PTPRN2: variants seen among roughly 807,000 people sequenced by gnomAD.
PTPRN2 encodes the protein receptor-type tyrosine-protein phosphatase N2.
In PTPRN2, 74 loss-of-function variants were observed where a neutral mutation model predicts 118.8. The ratio of observed to expected loss-of-function variants is 0.62; its 90% CI spans 0.52 to 0.76. The LOEUF is 0.76. Among genes scored for constraint, PTPRN2 ranks in the 30% least tolerant of loss-of-function variants. The pLI is 0.00. For synonymous variants in PTPRN2, 641 were observed against 608.0 expected (o/e 1.05, Z -0.80); for missense variants, 1,481 against 1,394.4 (o/e 1.06, Z -0.99).
At chr7:157,840,882 G>T (rs1217883575) in intron 12 of PTPRN2, among the ~76,000 whole-genome samples, 1 of 152,236 alleles carries the variant, frequency 6.6e-6, no homozygotes, top group African/African-American at 2.4e-5. Flanking sequence ...GAGGTGAGGG[G>T]CTGGGCGCCC....
chr7:158,234,062 CAA>C (rs1431505409), intron 3 of PTPRN2, among the ~76,000 whole-genome samples: 1 of 151,950 alleles, frequency 6.6e-6, no homozygotes, highest in East Asian at 1.9e-4. Context: ...TTGATCAGGG[CAA>C]AGATTTTTTT....
intron 1 of PTPRN2, among the ~76,000 whole-genome samples, chr7:158,500,684 G>A (rs1822297093): frequency 6.6e-6 from 1 of 152,202 alleles, no homozygotes; most frequent in Non-Finnish European, 1.5e-5. Context: ...ACGTCCACCC[G>A]CTGCCTCTCA....
Position 158,360,052 on chromosome 7 carries a change from C to T in PTPRN2, c.164-43120G>A, listed in dbSNP as rs575523111. On this transcript the variant is annotated intron_variant, in intron 2 of 22. Transcript: ENST00000389418. ...CCCACAGATCCCAAGTCCACCCACA[C>T]CCAGGACGACGCACAGACCCCACAT... Among the ~76,000 whole-genome samples, 173 of 141,120 alleles carry T rather than the reference C, an allele frequency of 1.2e-3. 4 individuals carry two copies. The highest frequency in any genetic ancestry group is 4.2e-3 in the African/African-American group (152 of 35,930). 92.6% of individuals were successfully genotyped at this position (141,120 alleles called of 152,430 possible).
chr7:158,205,828 T>C (rs2150748439), intron 3 of PTPRN2, among the ~76,000 whole-genome samples: 1 of 152,196 alleles, frequency 6.6e-6, no homozygotes, highest in African/African-American at 2.4e-5. Context: ...TGCTGCCCTG[T>C]CACAGTAAAA....
chr7:157,895,063 G>A (rs1483911305), intron 12 of PTPRN2, among the ~76,000 whole-genome samples: 1 of 152,048 alleles, frequency 6.6e-6, no homozygotes, highest in African/African-American at 2.4e-5. Context: ...CCCCACAGGA[G>A]GGGGTCAGCA....
chr7:157,770,989 C>A (rs78298604), intron 12 of PTPRN2, among the ~76,000 whole-genome samples: 1 of 152,238 alleles, frequency 6.6e-6, no homozygotes, highest in Admixed American at 6.5e-5. Flanking sequence ...AGAAGTAACG[C>A]CCTGCCAGTT....
At chr7:158,169,225 A>T (rs948623438) in intron 5 of PTPRN2, among the ~76,000 whole-genome samples, 1 of 152,136 alleles carries the variant, frequency 6.6e-6, no homozygotes, top group Non-Finnish European at 1.5e-5. Context: ...GTGGGTTGAT[A>T]GAGGTTGGGG....
chr7:158,221,844 A>C (rs959489420), intron 3 of PTPRN2, among the ~76,000 whole-genome samples: 1 of 152,156 alleles, frequency 6.6e-6, no homozygotes, highest in Admixed American at 6.5e-5. Context: ...AAAGAAATTT[A>C]ATATCCAGAA....
At chr7:158,320,130 C>T (rs1457907043) in intron 2 of PTPRN2, among the ~76,000 whole-genome samples, 1 of 48,556 alleles carries the variant, frequency 2.1e-5, no homozygotes, top group African/African-American at 7.4e-5. Flanking sequence ...CAGCCTCCCT[C>T]ACACACACAG....
At chr7:158,159,470 T>A (rs1041508054) in intron 6 of PTPRN2, among the ~76,000 whole-genome samples, 1 of 152,178 alleles carries the variant, frequency 6.6e-6, no homozygotes, top group Non-Finnish European at 1.5e-5. Context: ...CAATGTGAAA[T>A]TCAGAACCAA....
intron 2 of PTPRN2, among the ~76,000 whole-genome samples, chr7:158,326,968 C>T (rs1472001420): frequency 6.6e-6 from 1 of 151,700 alleles, no homozygotes; most frequent in African/African-American, 2.4e-5. Flanking sequence ...CACACGCACA[C>T]ATTCACATGC....
intron 3 of PTPRN2, among the ~76,000 whole-genome samples, chr7:158,287,634 TTCC>T (rs1340564609): frequency 2.0e-5 from 3 of 152,130 alleles, no homozygotes; most frequent in African/African-American, 7.2e-5. Flanking sequence ...TTTTCTGAAA[TTCC>T]TCCTGTTATT....
intron 2 of PTPRN2, among the ~76,000 whole-genome samples, chr7:158,393,563 C>T (rs764068365): frequency 2.0e-5 from 3 of 152,178 alleles, no homozygotes; most frequent in Non-Finnish European, 4.4e-5. Context: ...TGCTGCAGAC[C>T]GGCCTCAGCT....
intron 21 of PTPRN2, among the ~76,000 whole-genome samples, chr7:157,558,241 C>T (rs528988351): frequency 3.9e-5 from 6 of 152,094 alleles, no homozygotes; most frequent in Non-Finnish European, 7.4e-5. Context: ...GCCAGGGCAC[C>T]GGGGCAGGAC....
intron 17 of PTPRN2, among the ~76,000 whole-genome samples, chr7:157,593,707 G>A (rs1301759373): frequency 2.0e-5 from 3 of 152,178 alleles, no homozygotes; most frequent in Non-Finnish European, 2.9e-5. Context: ...TTTCAGGAAG[G>A]CAGGTGTGTG....
intron 2 of PTPRN2, among the ~76,000 whole-genome samples, chr7:158,387,578 G>GGGTCCTGGGGTGA (rs1563230352): frequency 5.9e-5 from 1 of 16,948 alleles, no homozygotes; most frequent in African/African-American, 2.7e-4. Context: ...TGTCAGCTCA[G>GGGTCCTGGGGTGA]CTTGGCCCGG....
chr7:157,783,937 G>T (rs1803849812), intron 12 of PTPRN2, among the ~76,000 whole-genome samples: 1 of 152,160 alleles, frequency 6.6e-6, no homozygotes, highest in Non-Finnish European at 1.5e-5. Context: ...GTTGAATGGA[G>T]GATATTCCAT....
intron 12 of PTPRN2, among the ~76,000 whole-genome samples, chr7:157,754,369 C>T (rs1369260624): frequency 2.0e-5 from 3 of 152,256 alleles, no homozygotes; most frequent in Non-Finnish European, 4.4e-5. Flanking sequence ...TGGGGGCAGG[C>T]GGACATGCCC....
chr7:158,328,778 G>A (rs1015626355), intron 2 of PTPRN2, among the ~76,000 whole-genome samples: 1 of 139,558 alleles, frequency 7.2e-6, no homozygotes, highest in Non-Finnish European at 1.5e-5. Context: ...AAGTCACTAG[G>A]AGCGGGGCCT....
Sources: allele counts gnomAD v4.1 joint callset (sites outside exome capture counted in the v4.1 genomes callset), GRCh38; gene constraint gnomAD v4.1.1; transcripts MANE v1.5; gene names NCBI Gene and HGNC (gene_info 2026-07-23, HGNC 2026-07-21).